The following TTC21B variants were observed in gnomAD, a reference collection of about 807,000 sequenced individuals.
TTC21B encodes the protein tetratricopeptide repeat domain 21B.
A neutral mutation model predicts 175.1 loss-of-function variants in TTC21B; 127 were observed. The ratio of observed to expected loss-of-function variants is 0.73; its 90% CI spans 0.63 to 0.84. TTC21B has a LOEUF of 0.84. TTC21B is among the 40% of genes least tolerant of loss of function. TTC21B has a pLI of 0.00. For missense variants in TTC21B, 1,561 were observed against 1,558.3 expected (o/e 1.00, Z -0.03); for synonymous variants, 524 against 524.5 (o/e 1.00, Z 0.01).
intron 6 of TTC21B, among the ~76,000 whole-genome samples, chr2:165,935,370 T>A (rs1361992173): frequency 6.6e-6 from 1 of 152,058 alleles, no homozygotes; most frequent in Non-Finnish European, 1.5e-5. Flanking sequence ...GGTATGTGTG[T>A]ATGCATGTGT....
At chr2:165,909,626 T>C (rs1450198740) in intron 18 of TTC21B, among the ~76,000 whole-genome samples, 1 of 152,156 alleles carries the variant, frequency 6.6e-6, no homozygotes, top group Non-Finnish European at 1.5e-5. Flanking sequence ...CACGACATAA[T>C]GTCAGGAAGT....
chr2:165,886,633 AT>A (rs1685004723), intron 25 of TTC21B, among the ~76,000 whole-genome samples: 2 of 152,242 alleles, frequency 1.3e-5, no homozygotes, highest in South Asian at 2.1e-4. Flanking sequence ...ATTAAAAAAA[AT>A]AACACAGTCT....
intron 13 of TTC21B, 33 bp downstream of exon 13, chr2:165,919,241 GAT>G: frequency 6.2e-7 from 1 of 1,609,326 alleles, no homozygotes; most frequent in Non-Finnish European, 8.5e-7. Flanking sequence ...CAAGGAGGGT[GAT>G]ATGTCTTATC....
Position 165,949,690 on chromosome 2 carries a change from A to G in TTC21B, c.56T>C (p.Phe19Ser), listed in dbSNP as rs1456330719. The change falls in exon 2 of 29, where the codon TTC (phenylalanine) becomes TCC (serine). Residue 19 changes from phenylalanine to serine, a missense_variant. By Grantham distance (155) the Phe-to-Ser change is radical. Transcript: ENST00000243344. ...LINYYCQERY[F>S]HHVLLVASEG... ...ACTGGCAACCAGTAATACATGATGG[A>G]AATATCTCTCTTGACAATAGTAATT... 7 of 1,612,564 alleles carry G rather than the reference A, an allele frequency of 4.3e-6. No homozygotes were observed. The highest frequency in any genetic ancestry group is 5.9e-6 in the Non-Finnish European group (7 of 1,179,050).
rs1559051525 is a variant in TTC21B, at chr2:165,907,659, C to T, written c.2568+19G>A. Reference sequence around the variant, plus strand: ...CCATCTCCTACCTCATGACCACACTCACAGACAAATGTGTTTACCTGTTGT... The same window carrying T: ...CCATCTCCTACCTCATGACCACACTTACAGACAAATGTGTTTACCTGTTGT... On this transcript the variant is annotated intron_variant, in intron 19 of 28. Coordinates refer to ENST00000243344, the MANE Select transcript of TTC21B (RefSeq NM_024753.5). The T allele has an allele frequency of 2.0e-6, 3 of 1,537,922 alleles. No homozygotes were observed. In the South Asian group the frequency reaches 3.3e-5, roughly 17 times the overall value.
chr2:165,902,030 G>A, intron 19 of TTC21B, 120 bp from the exon 20 acceptor site: 1 of 877,698 alleles, frequency 1.1e-6, no homozygotes, highest in South Asian at 1.6e-5. Flanking sequence ...ATCTAACAAA[G>A]TCTGATCCAA....
intron 11 of TTC21B, among the ~76,000 whole-genome samples, chr2:165,928,017 A>AT (rs2105341488): frequency 6.6e-6 from 1 of 152,336 alleles, no homozygotes; most frequent in South Asian, 2.1e-4. Flanking sequence ...ACTATCTGTA[A>AT]TAAGAGTGCT....
Position 165,941,199 on chromosome 2 carries a change from A to G in TTC21B, c.553-15T>C. 1 of 1,613,710 alleles carries G rather than the reference A, an allele frequency of 6.2e-7. No homozygotes were observed. Among genetic ancestry groups the G allele is most frequent in the African/African-American group, 1.3e-5 (1 of 75,054 alleles). ...AGGCATTGTGCCTAATGGAAGGGAA[A>G]AAAAGTGATATCCAAACTGTGATCT... On this transcript the variant is annotated splice_polypyrimidine_tract_variant and intron_variant, in intron 5 of 28. Coordinates refer to ENST00000243344, the MANE Select transcript of TTC21B (RefSeq NM_024753.5).
At chr2:165,915,733 T>C (rs1327100207) in intron 14 of TTC21B, among the ~76,000 whole-genome samples, 2 of 152,138 alleles carry the variant, frequency 1.3e-5, no homozygotes, top group Admixed American at 6.5e-5. Context: ...GCACCCAGCA[T>C]TGAATAATGA....
At chr2:165,934,603 TAA>T (rs58636754) in intron 6 of TTC21B, 19,656 of 142,230 alleles carry the variant, frequency 0.14, 1,575 homozygotes, top group Non-Finnish European at 0.18. Flanking sequence ...TAGGCTCACT[TAA>T]AAAAAAAAAA....
Position 165,913,651 on chromosome 2 carries a change from A to C in TTC21B, c.2139-5T>G, listed in dbSNP as rs1315559130. The C allele has an allele frequency of 1.1e-5, 17 of 1,609,110 alleles. No individual in the cohort carries two copies. Among genetic ancestry groups the C allele is most frequent in the Non-Finnish European group, 1.4e-5 (16 of 1,175,620 alleles). On this transcript the variant is annotated splice_region_variant and splice_polypyrimidine_tract_variant and intron_variant, in intron 15 of 28. Transcript: ENST00000243344. The stretch of plus-strand genomic sequence containing the variant: ...GCCATTCTTTCAGCAATTTCTCTGG[A>C]AATCAGACCAACATTACTTAGCATA...
intron 1 of TTC21B, among the ~76,000 whole-genome samples, 185 bp downstream of exon 1, chr2:165,953,500 G>A (rs1687823654): frequency 6.6e-6 from 1 of 152,194 alleles, no homozygotes; most frequent in South Asian, 2.1e-4. Context: ...TCCCCAGCAG[G>A]GCCCGCGGAG....
At chr2:165,929,008 T>G in intron 11 of TTC21B, 127 bp downstream of exon 11, 2 of 845,122 alleles carry the variant, frequency 2.4e-6, no homozygotes, top group Non-Finnish European at 2.0e-6. Flanking sequence ...CGATTTCAAC[T>G]AACATAGGTA....
chr2:165,886,333 T>C (rs1684997024), intron 25 of TTC21B, among the ~76,000 whole-genome samples: 1 of 152,244 alleles, frequency 6.6e-6, no homozygotes, highest in African/African-American at 2.4e-5. Context: ...TTTTGCTTTG[T>C]ATTAAGTCAT....
intron 20 of TTC21B, among the ~76,000 whole-genome samples, chr2:165,901,341 T>C (rs1207257654): frequency 1.3e-5 from 2 of 152,120 alleles, no homozygotes; most frequent in African/African-American, 2.4e-5. Flanking sequence ...TTTTTTGAGA[T>C]GGAGTCCCGC....
At chr2:165,922,952 T>C (rs1686472073) in intron 12 of TTC21B, among the ~76,000 whole-genome samples, 1 of 152,212 alleles carries the variant, frequency 6.6e-6, no homozygotes, top group Non-Finnish European at 1.5e-5. Flanking sequence ...TGGATGGAAC[T>C]GGAGGCCATT....
At chr2:165,936,059 A>G (rs113981241) in intron 6 of TTC21B, among the ~76,000 whole-genome samples, 29 of 152,100 alleles carry the variant, frequency 1.9e-4, no homozygotes, top group African/African-American at 6.7e-4. Context: ...AGTTGACCTC[A>G]AGACTTACTA....
At chr2:165,910,843 C>T (rs1289459988) in intron 18 of TTC21B, among the ~76,000 whole-genome samples, 1 of 152,016 alleles carries the variant, frequency 6.6e-6, no homozygotes, top group Admixed American at 6.6e-5. Context: ...AACAGTTTCG[C>T]ACAGGAAAAT....
At chr2:165,934,630 CAGTTATATACCAA>C (rs1687057772) in intron 6 of TTC21B, 2 of 138,038 alleles carry the variant, frequency 1.4e-5, no homozygotes, top group South Asian at 5.0e-4. Context: ...TATTTAGAAC[CAGTTATATACCAA>C]AGAAAAACAA....
Sources: allele counts gnomAD v4.1 joint callset (sites outside exome capture counted in the v4.1 genomes callset), GRCh38; gene constraint gnomAD v4.1.1; transcripts MANE v1.5; gene names NCBI Gene and HGNC (gene_info 2026-07-23, HGNC 2026-07-21).